The following BABAM2 variants were observed in gnomAD, a reference collection of about 807,000 sequenced individuals.
BABAM2 encodes the protein BRISC and BRCA1-A complex member 2.
Under a neutral mutation model 54.7 loss-of-function variants are expected in BABAM2, and 31 were observed. The observed-to-expected ratio is 0.57, with a 90% CI of 0.43 to 0.77. BABAM2 has a LOEUF of 0.77. Among genes scored for constraint, BABAM2 ranks in the 30% least tolerant of loss-of-function variants. BABAM2 has a pLI of 0.00. For synonymous variants in BABAM2, 167 were observed against 162.9 expected (o/e 1.03, Z -0.19); for missense variants, 364 against 455.8 (o/e 0.80, Z 1.83).
At chr2:28,075,906 A>G (rs962244514) in intron 6 of BABAM2, among the ~76,000 whole-genome samples, 4 of 152,016 alleles carry the variant, frequency 2.6e-5, no homozygotes, top group Non-Finnish European at 4.4e-5. Flanking sequence ...TATGTTATAT[A>G]CAATATACTA....
chr2:28,268,212 T>C (rs1478903563), intron 10 of BABAM2, among the ~76,000 whole-genome samples: 1 of 152,252 alleles, frequency 6.6e-6, no homozygotes, highest in Non-Finnish European at 1.5e-5. Context: ...GGCACATGCC[T>C]ATAGTCCCAG....
intron 6 of BABAM2, among the ~76,000 whole-genome samples, chr2:28,114,971 T>A (rs969560171): frequency 6.6e-6 from 1 of 152,220 alleles, no homozygotes; most frequent in African/African-American, 2.4e-5. Context: ...ATATATGTAG[T>A]CATTCATATA....
chr2:28,177,103 A>G (rs1301258840), intron 7 of BABAM2, among the ~76,000 whole-genome samples: 1 of 152,134 alleles, frequency 6.6e-6, no homozygotes, highest in African/African-American at 2.4e-5. Context: ...TCCCTGCGGC[A>G]CGTGATAGTC....
intron 7 of BABAM2, among the ~76,000 whole-genome samples, chr2:28,201,850 A>G (rs561558437): frequency 1.3e-5 from 2 of 152,302 alleles, no homozygotes; most frequent in Admixed American, 1.3e-4. Flanking sequence ...CTGGCAAGAC[A>G]CAGGAGGATT....
At chr2:28,240,454 A>G (rs559959604) in intron 8 of BABAM2, among the ~76,000 whole-genome samples, 4 of 152,310 alleles carry the variant, frequency 2.6e-5, no homozygotes, top group Non-Finnish European at 4.4e-5. Flanking sequence ...AATTAGTGTC[A>G]TATATGTGCA....
chr2:27,925,146 T>TA (rs1278035378), intron 2 of BABAM2, among the ~76,000 whole-genome samples: 3 of 152,168 alleles, frequency 2.0e-5, no homozygotes, highest in Non-Finnish European at 2.9e-5. Context: ...CCACTTATGA[T>TA]ATTGGAAAGT....
intron 4 of BABAM2, among the ~76,000 whole-genome samples, chr2:28,024,680 A>G (rs1675523041): frequency 6.6e-6 from 1 of 152,020 alleles, no homozygotes; most frequent in Non-Finnish European, 1.5e-5. Context: ...TTTGGCAGAC[A>G]TTTTCCCATG....
At chr2:28,045,993 A>T (rs1238827157) in intron 6 of BABAM2, among the ~76,000 whole-genome samples, 194 bp downstream of exon 6, 4 of 152,254 alleles carry the variant, frequency 2.6e-5, no homozygotes, top group African/African-American at 9.6e-5. Context: ...AGTCATTTAG[A>T]AGTGAGTTTT....
intron 10 of BABAM2, among the ~76,000 whole-genome samples, chr2:28,286,992 A>G (rs916836211): frequency 3.9e-5 from 6 of 152,098 alleles, no homozygotes; most frequent in African/African-American, 1.4e-4. Context: ...CTAAAGCCAC[A>G]TTAGTCATAC....
chr2:28,044,412 G>T (rs1677391583), intron 5 of BABAM2, among the ~76,000 whole-genome samples: 1 of 151,948 alleles, frequency 6.6e-6, no homozygotes, highest in African/African-American at 2.4e-5. Flanking sequence ...GTATTCTTTA[G>T]TGGAGATGGG....
intron 11 of BABAM2, among the ~76,000 whole-genome samples, chr2:28,337,894 G>C (rs1396313886): frequency 1.3e-5 from 2 of 152,224 alleles, no homozygotes; most frequent in Non-Finnish European, 2.9e-5. Flanking sequence ...GGCTGAGGCA[G>C]TAGGATCACT....
intron 7 of BABAM2, among the ~76,000 whole-genome samples, chr2:28,179,809 A>G (rs1278090541): frequency 6.6e-6 from 1 of 152,210 alleles, no homozygotes; most frequent in Non-Finnish European, 1.5e-5. Flanking sequence ...TACAAAATAA[A>G]TAGTGTTTCT....
At chr2:28,059,845 A>G (rs1678720157) in intron 6 of BABAM2, among the ~76,000 whole-genome samples, 1 of 152,228 alleles carries the variant, frequency 6.6e-6, no homozygotes, top group African/African-American at 2.4e-5. Context: ...TAATTTGGAT[A>G]GCCTTGTGTC....
At chr2:28,230,731 A>AG (rs34264546) in intron 7 of BABAM2, among the ~76,000 whole-genome samples, 4 of 126,922 alleles carry the variant, frequency 3.2e-5, no homozygotes, top group Non-Finnish European at 7.1e-5. Flanking sequence ...AAAAAAAAAA[A>AG]GAAGAAGAAA....
At chr2:28,146,286 C>T (rs982831174) in intron 7 of BABAM2, among the ~76,000 whole-genome samples, 1 of 152,178 alleles carries the variant, frequency 6.6e-6, no homozygotes, top group Non-Finnish European at 1.5e-5. Context: ...TATTCTTAAG[C>T]TCACTTGTTG....
chr2:27,952,771 ACTAGGT>A (rs1286775106), intron 3 of BABAM2, among the ~76,000 whole-genome samples: 1 of 152,038 alleles, frequency 6.6e-6, no homozygotes, highest in Non-Finnish European at 1.5e-5. Context: ...GTTGATTTTC[ACTAGGT>A]CTGCTTCAGG....
chr2:28,045,902 A>G (rs1468034520), intron 6 of BABAM2, 103 bp downstream of exon 6: 6 of 898,140 alleles, frequency 6.7e-6, no homozygotes, highest in Non-Finnish European at 9.8e-6. Flanking sequence ...TGTTCAGATG[A>G]TGAATTCTAT....
intron 5 of BABAM2, among the ~76,000 whole-genome samples, chr2:28,026,969 TAAATATATAA>T (rs1558668224): frequency 1.2e-5 from 1 of 82,400 alleles, no homozygotes; most frequent in South Asian, 3.4e-4. Flanking sequence ...AATATATATA[TAAATATATAA>T]ATATATATAA....
chr2:28,101,776 T>C (rs1010108373), intron 6 of BABAM2, among the ~76,000 whole-genome samples: 2 of 152,216 alleles, frequency 1.3e-5, no homozygotes, highest in Admixed American at 6.5e-5. Flanking sequence ...AACATATTGA[T>C]AGGAAGCTCA....
Sources: gnomAD v4.1 joint callset for allele counts (sites outside exome capture counted in the v4.1 genomes callset) on GRCh38, gnomAD v4.1.1 for gene constraint, MANE v1.5 for transcripts, NCBI Gene and HGNC (gene_info 2026-07-23, HGNC 2026-07-21) for gene names.